The following GPATCH2 variants were observed in gnomAD, a reference collection of about 807,000 sequenced individuals.
GPATCH2 encodes the protein G-patch domain containing 2.
A neutral mutation model predicts 58.0 loss-of-function variants in GPATCH2; 51 were observed. The ratio of observed to expected loss-of-function variants is 0.88; its 90% CI spans 0.70 to 1.11. GPATCH2 has a LOEUF of 1.11. Among genes scored for constraint, GPATCH2 ranks in the 50% most tolerant of loss-of-function variants. The pLI, the probability that GPATCH2 is intolerant of heterozygous loss-of-function variation, is 0.00. For synonymous variants in GPATCH2, 222 were observed against 218.5 expected, an observed-to-expected ratio of 1.02 and a Z score of -0.14; for missense variants, 625 against 652.2, an observed-to-expected ratio of 0.96 and a Z score of 0.45.
intron 2 of GPATCH2, among the ~76,000 whole-genome samples, chr1:217,614,470 G>C (rs1192144057): frequency 6.6e-6 from 1 of 151,940 alleles, no homozygotes; most frequent in Non-Finnish European, 1.5e-5. Flanking sequence ...TGACACAATT[G>C]ATGCATTTTA....
At chr1:217,617,010 G>A (rs866067826) in intron 2 of GPATCH2, among the ~76,000 whole-genome samples, 44 of 82,040 alleles carry the variant, frequency 5.4e-4, no homozygotes, top group African/African-American at 2.5e-3. Flanking sequence ...ATGGATTGGA[G>A]GTCAAAGATA....
chr1:217,479,038 T>G (rs1443333834), intron 8 of GPATCH2, among the ~76,000 whole-genome samples: 1 of 151,950 alleles, frequency 6.6e-6, no homozygotes, highest in Non-Finnish European at 1.5e-5. Flanking sequence ...GGTCAAAATA[T>G]CCTTCAAACA....
intron 1 of GPATCH2, among the ~76,000 whole-genome samples, chr1:217,630,058 A>AT (rs1449930834): frequency 6.6e-6 from 1 of 152,078 alleles, no homozygotes; most frequent in Non-Finnish European, 1.5e-5. Flanking sequence ...TCAATGGGAA[A>AT]TTGCTTGTTT....
chr1:217,561,718 C>T (rs1362751144), intron 5 of GPATCH2, among the ~76,000 whole-genome samples: 1 of 152,152 alleles, frequency 6.6e-6, no homozygotes, highest in Non-Finnish European at 1.5e-5. Flanking sequence ...GACCTACAGA[C>T]TTTCAGAAAC....
At chr1:217,447,797 C>G (rs1048551191) in intron 9 of GPATCH2, among the ~76,000 whole-genome samples, 12 of 152,228 alleles carry the variant, frequency 7.9e-5, no homozygotes, top group Non-Finnish European at 1.8e-4. Context: ...AATAGGTTCC[C>G]TAATAGAGAA....
At chr1:217,585,835 C>T (rs1006768823) in intron 5 of GPATCH2, among the ~76,000 whole-genome samples, 2 of 152,078 alleles carry the variant, frequency 1.3e-5, no homozygotes, top group African/African-American at 4.8e-5. Flanking sequence ...TACACAAACC[C>T]AGATGATATA....
intron 5 of GPATCH2, among the ~76,000 whole-genome samples, chr1:217,601,394 A>G (rs1668099996): frequency 6.6e-6 from 1 of 151,854 alleles, no homozygotes; most frequent in Admixed American, 6.6e-5. Context: ...ATGTATAATT[A>G]TTACTGTCTC....
intron 2 of GPATCH2, among the ~76,000 whole-genome samples, chr1:217,615,446 T>C (rs1668838964): frequency 6.6e-6 from 1 of 152,204 alleles, no homozygotes; most frequent in Non-Finnish European, 1.5e-5. Flanking sequence ...ATTTTCTTAT[T>C]TACAAATATA....
intron 5 of GPATCH2, among the ~76,000 whole-genome samples, chr1:217,586,049 C>A (rs543920832): frequency 2.6e-5 from 4 of 152,166 alleles, no homozygotes; most frequent in South Asian, 2.1e-4. Context: ...ATGGAGCTTG[C>A]AGTACTGGAA....
intron 8 of GPATCH2, among the ~76,000 whole-genome samples, chr1:217,478,341 A>G (rs1475384248): frequency 6.6e-6 from 1 of 152,216 alleles, no homozygotes; most frequent in African/African-American, 2.4e-5. Flanking sequence ...AGAAACAGAC[A>G]GAACTCAAAA....
intron 8 of GPATCH2, among the ~76,000 whole-genome samples, chr1:217,456,865 G>A (rs1319555691): frequency 6.6e-6 from 1 of 152,160 alleles, no homozygotes; most frequent in African/African-American, 2.4e-5. Context: ...AGGTGTGTGC[G>A]CTAAACTAAA....
Position 217,614,131 on chromosome 1 carries a change from A to G in GPATCH2, c.835+10T>C. On this transcript the variant is annotated intron_variant, in intron 3 of 9. Coordinates refer to ENST00000366935, the MANE Select transcript of GPATCH2 (RefSeq NM_018040.5). ...TTTTCCAAAGAGAGAAAAAAATATC[A>G]TTTCAGTACCTTGTCTTCCCTCATC... 1 of 1,489,100 alleles carries G rather than the reference A, an allele frequency of 6.7e-7. No homozygotes were observed. Among genetic ancestry groups the G allele is most frequent in the Non-Finnish European group, 9.4e-7 (1 of 1,067,140 alleles). The allele number at this position is 1,489,100 out of a possible 1,614,324, so 92.2% of individuals were successfully genotyped here.
intron 5 of GPATCH2, among the ~76,000 whole-genome samples, chr1:217,549,281 G>T (rs1450471860): frequency 6.6e-6 from 1 of 150,656 alleles, no homozygotes; most frequent in African/African-American, 2.4e-5. Flanking sequence ...ATCAATATGA[G>T]ATTTTTTAAG....
At chr1:217,571,703 C>CAAAAAAAAAAA (rs11463536) in intron 5 of GPATCH2, among the ~76,000 whole-genome samples, 35 of 73,812 alleles carry the variant, frequency 4.7e-4, no homozygotes, top group East Asian at 1.5e-3. Flanking sequence ...AAAACGAAAC[C>CAAAAAAAAAAA]AAAAAAAAAA....
At chr1:217,469,779 G>T (rs929443144) in intron 8 of GPATCH2, among the ~76,000 whole-genome samples, 1 of 152,150 alleles carries the variant, frequency 6.6e-6, no homozygotes, top group Non-Finnish European at 1.5e-5. Context: ...TAGACATAAA[G>T]TAATATTTTA....
rs1323814502 is a variant in GPATCH2 at position 217,430,937 on chromosome 1, T to A, written c.*208A>T. ...AATAGCTGGAAATTACTGAAAAAAA[T>A]TAAAGTGCAGAGGTTTTCATTTTAG... On this transcript the variant is annotated 3_prime_UTR_variant, in exon 10 of 10. Coordinates refer to ENST00000366935, the MANE Select transcript of GPATCH2 (RefSeq NM_018040.5). 2 of 572,842 alleles carry A rather than the reference T, an allele frequency of 3.5e-6. No individual in the cohort carries two copies. Among genetic ancestry groups the A allele is most frequent in the South Asian group, 2.2e-5 (1 of 44,458 alleles). The allele number at this position is 572,842 out of a possible 1,614,324, so 35.5% of individuals were successfully genotyped here.
chr1:217,504,547 T>A (rs999100839), intron 6 of GPATCH2, among the ~76,000 whole-genome samples: 2 of 152,190 alleles, frequency 1.3e-5, no homozygotes, highest in Non-Finnish European at 2.9e-5. Context: ...CTATCACCAC[T>A]CTATAAGTGT....
chr1:217,481,743 GC>G (rs1661220980), intron 8 of GPATCH2, among the ~76,000 whole-genome samples: 1 of 152,076 alleles, frequency 6.6e-6, no homozygotes, highest in Non-Finnish European at 1.5e-5. Flanking sequence ...TACAGTCCCA[GC>G]TAATCAGAAG....
intron 5 of GPATCH2, among the ~76,000 whole-genome samples, chr1:217,568,324 AC>A (rs1394819153): frequency 6.6e-6 from 1 of 152,154 alleles, no homozygotes; most frequent in Non-Finnish European, 1.5e-5. Flanking sequence ...TCCCTCAAAC[AC>A]TGACCGAGTA....
Sources: allele counts gnomAD v4.1 joint callset (sites outside exome capture counted in the v4.1 genomes callset), GRCh38; gene constraint gnomAD v4.1.1; transcripts MANE v1.5; gene names NCBI Gene and HGNC (gene_info 2026-07-23, HGNC 2026-07-21).